Variants in NUP88 observed in about 807,000 individuals in gnomAD.
NUP88 encodes the protein nucleoporin 88, also known as nuclear pore complex protein Nup88.
In NUP88, 57 loss-of-function variants were observed where a neutral mutation model predicts 93.9. The observed-to-expected ratio is 0.61, with a 90% CI of 0.49 to 0.76. The LOEUF (loss-of-function observed/expected upper bound fraction) is 0.76. Among genes scored for constraint, NUP88 ranks in the 30% least tolerant of loss-of-function variants. NUP88 has a pLI of 0.00. For synonymous variants in NUP88, 346 were observed against 336.8 expected (o/e 1.03, Z -0.30); for missense variants, 911 against 901.0 (o/e 1.01, Z -0.14).
chr17:5,415,397 A>G (rs1914078372), intron 2 of NUP88, among the ~76,000 whole-genome samples: 1 of 152,208 alleles, frequency 6.6e-6, no homozygotes, highest in South Asian at 2.1e-4. Context: ...TTTATACAGT[A>G]CAAGTGTTTT....
chr17:5,419,380 C>G lies in NUP88; in HGVS notation c.271G>C (p.Glu91Gln). ...VRLRGPSGGG[E>Q]EPALSQYQRL... ...TGGTACTGGGACAGGGCGGGCTCTT[C>G]GCCGCCGCCGCTGGGGCCCCGAAGG... The change falls in exon 1 of 17, where the codon GAA (glutamate) becomes CAA (glutamine). Residue 91 changes from glutamate (E) to glutamine (Q), a missense_variant. Coordinates refer to ENST00000573584, the MANE Select transcript of NUP88 (RefSeq NM_002532.6). 1 of 1,599,602 alleles carries G rather than the reference C, an allele frequency of 6.3e-7. No individual in the cohort carries two copies. Among genetic ancestry groups the G allele is most frequent in the Non-Finnish European group, 8.5e-7 (1 of 1,173,772 alleles).
intron 7 of NUP88, among the ~76,000 whole-genome samples, chr17:5,402,933 T>A (rs745960966): frequency 1.3e-5 from 2 of 151,936 alleles, no homozygotes. Flanking sequence ...GGCAAAGCAG[T>A]GAGCCAAGAT....
intron 9 of NUP88, among the ~76,000 whole-genome samples, chr17:5,394,018 GAGC>G (rs1483958860): frequency 1.3e-5 from 2 of 151,580 alleles, no homozygotes; most frequent in Non-Finnish European, 2.9e-5. Context: ...ACAGGAGAGA[GAGC>G]AGATTTGGAA....
chr17:5,386,272 G>A lies in NUP88; in HGVS notation c.2163-3C>T, dbSNP rs1413867691. 2 of 1,600,088 alleles carry A rather than the reference G, an allele frequency of 1.2e-6. No individual in the cohort carries two copies. Among genetic ancestry groups the A allele is most frequent in the Non-Finnish European group, 8.5e-7 (1 of 1,172,476 alleles). On this transcript the variant is annotated splice_polypyrimidine_tract_variant and splice_region_variant and intron_variant, in intron 16 of 16. Coordinates refer to ENST00000573584, the MANE Select transcript of NUP88 (RefSeq NM_002532.6). ...CCATTTCCCTTATATGTTCACCCCTGTAAAATTGTAAAGTCACTCACTTTT... is the reference window on the plus strand; with the variant it reads ...CCATTTCCCTTATATGTTCACCCCTATAAAATTGTAAAGTCACTCACTTTT...
At chr17:5,398,111 C>T (rs1912897155) in intron 8 of NUP88, among the ~76,000 whole-genome samples, 1 of 147,764 alleles carries the variant, frequency 6.8e-6, no homozygotes, top group South Asian at 2.3e-4. Flanking sequence ...CAGGGTTTCA[C>T]CATTTTGACC....
chr17:5,417,295 G>A (rs1914207414), intron 1 of NUP88, among the ~76,000 whole-genome samples: 1 of 152,066 alleles, frequency 6.6e-6, no homozygotes, highest in African/African-American at 2.4e-5. Context: ...ATTTCTGTAT[G>A]CTGGACATAC....
chr17:5,411,614 A>G (rs563611439), intron 3 of NUP88, among the ~76,000 whole-genome samples: 1 of 151,232 alleles, frequency 6.6e-6, no homozygotes, highest in East Asian at 1.9e-4. Flanking sequence ...AAACAAACCC[A>G]GTATCGTATC....
intron 2 of NUP88, 51 bp downstream of exon 2, chr17:5,416,462 C>T (rs1422408313): frequency 6.0e-6 from 8 of 1,344,528 alleles, no homozygotes; most frequent in Non-Finnish European, 8.1e-6. Flanking sequence ...TAGTCTTGAA[C>T]AATTTTCTGT....
Position 5,387,664 on chromosome 17 carries a change from T to C in NUP88, c.1776A>G (p.Lys592=), listed in dbSNP as rs1912112735. Residue 592 remains lysine, a synonymous_variant, in exon 13 of 17, where the codon AAA becomes AAG. Coordinates refer to ENST00000573584, the MANE Select transcript of NUP88 (RefSeq NM_002532.6). The part of the protein sequence containing the change: ...LAKEEIQRRV[K]LLCDQKKKQL... ...GTTTCTTTTTTTGGTCACATAATAA[T>C]TTGACCCTTTAAAAACAAAAAGAAA... The C allele has an allele frequency of 2.5e-5, 41 of 1,612,726 alleles. No homozygotes were observed. Among genetic ancestry groups the C allele is most frequent in the Non-Finnish European group, 3.5e-5 (41 of 1,179,374 alleles).
At chr17:5,399,529 G>A (rs1171749547) in intron 8 of NUP88, 23 bp downstream of exon 8, 1 of 1,197,214 alleles carries the variant, frequency 8.4e-7, no homozygotes, top group Non-Finnish European at 1.2e-6. Flanking sequence ...TCTATTAAAA[G>A]TGCAGAGAGT....
rs1597309892 is a variant in NUP88 at position 5,386,041 on chromosome 17, A to G, written c.*165T>C. On this transcript the variant is annotated 3_prime_UTR_variant, in exon 17 of 17. Coordinates refer to ENST00000573584, the MANE Select transcript of NUP88 (RefSeq NM_002532.6). ...ATAAAGCACATTCCAAATTTTAAAT[A>G]AAAGCATTTACTCAATTATTATAAA... 8.9e-6 allele frequency: 5 copies of G among 563,572 alleles called. No homozygotes were observed. Among genetic ancestry groups the G allele is most frequent in the Non-Finnish European group, 1.6e-5 (5 of 321,668 alleles). The allele number at this position is 563,572 out of a possible 1,614,324, so 34.9% of individuals were successfully genotyped here. A position where few individuals can be genotyped will look rare whatever the true frequency, so the allele number is the denominator to read the frequency against.
At chr17:5,387,224 G>C in intron 14 of NUP88, 114 bp from the exon 15 acceptor site, 1 of 1,333,598 alleles carries the variant, frequency 7.5e-7, no homozygotes. Flanking sequence ...CCCATAGGAA[G>C]GGTTAGGGGA....
intron 7 of NUP88, among the ~76,000 whole-genome samples, chr17:5,402,443 G>T (rs1913231163): frequency 6.6e-6 from 1 of 152,150 alleles, no homozygotes; most frequent in Non-Finnish European, 1.5e-5. Context: ...ACTTCATTTG[G>T]TCTGTTTCCT....
At position 5,386,150 on chromosome 17, in the gene NUP88, A is replaced by G. The variant is rs118032006; in HGVS notation, c.*56T>C. ...TAGATAATTCTACCTGTTTTACAAT[A>G]TGGGTTTAAGCCTTCAATGGTGTTC... On this transcript the variant is annotated 3_prime_UTR_variant, in exon 17 of 17. Coordinates refer to ENST00000573584, the MANE Select transcript of NUP88 (RefSeq NM_002532.6). 1.4e-4 allele frequency: 176 copies of G among 1,297,596 alleles called. 1 individual carries two copies. In the East Asian group the frequency reaches 2.7e-3, roughly 20 times the overall value. The allele number at this position is 1,297,596 out of a possible 1,614,324, so 80.4% of individuals were successfully genotyped here.
intron 14 of NUP88, 56 bp from the exon 15 acceptor site, chr17:5,387,166 CAT>C (rs776934461): frequency 7.1e-5 from 112 of 1,573,800 alleles, no homozygotes; most frequent in Non-Finnish European, 9.0e-5. Flanking sequence ...TTAGGAGAAA[CAT>C]AATCACAAGC....
chr17:5,418,901 G>T (rs1284671541), intron 1 of NUP88, among the ~76,000 whole-genome samples: 1 of 152,146 alleles, frequency 6.6e-6, no homozygotes, highest in Non-Finnish European at 1.5e-5. Flanking sequence ...GGGCGTTACG[G>T]GGGTAAGAAT....
In NUP88 at chr17:5,416,526, T is replaced by C. The variant is rs1914160523; in HGVS notation, c.454A>G (p.Thr152Ala). The C allele has an allele frequency of 6.2e-7, 1 of 1,608,088 alleles. No homozygotes were observed. The highest frequency in any genetic ancestry group is 2.2e-5 in the East Asian group (1 of 44,698). ...TATACAACTTACCTACAATTCACTG[T>C]TGATTTTCCACCTTCAAATTCAGAA... ...KNSEFEGGKSTVNCSTTPVAE... is the reference protein window; with the variant it reads ...KNSEFEGGKSAVNCSTTPVAE... Residue 152 changes from threonine to alanine, a missense_variant, in exon 2 of 17, where the codon ACA (threonine) becomes GCA (alanine). Coordinates refer to ENST00000573584, the MANE Select transcript of NUP88 (RefSeq NM_002532.6).
At chr17:5,399,696 TA>T in intron 7 of NUP88, 46 bp from the exon 8 acceptor site, 4 of 1,020,468 alleles carry the variant, frequency 3.9e-6, no homozygotes, top group East Asian at 2.6e-5. Flanking sequence ...AGTGGATAAC[TA>T]AAAAAATTTA....
chr17:5,388,610 C>T, intron 11 of NUP88, 192 bp downstream of exon 11: 2 of 532,674 alleles, frequency 3.8e-6, no homozygotes, highest in South Asian at 6.0e-5. Flanking sequence ...TTTTTAAACA[C>T]TTCCTGTTTA....
Sources: allele counts gnomAD v4.1 joint callset (sites outside exome capture counted in the v4.1 genomes callset), GRCh38; gene constraint gnomAD v4.1.1; transcripts MANE v1.5; gene names NCBI Gene and HGNC (gene_info 2026-07-23, HGNC 2026-07-21).